PRPSAP2: variants seen among roughly 807,000 people sequenced by gnomAD.
PRPSAP2 encodes the protein phosphoribosyl pyrophosphate synthase-associated protein 2.
Under a neutral mutation model 40.6 loss-of-function variants are expected in PRPSAP2, and 24 were observed. That is an observed-to-expected ratio of 0.59 (90% CI 0.43 to 0.83). PRPSAP2 has a LOEUF of 0.83. Ranked by LOEUF, PRPSAP2 falls within the 40% of genes least tolerant of loss-of-function variation. The pLI is 0.00. For missense variants in PRPSAP2, 292 were observed against 465.6 expected (o/e 0.63, Z 3.43); for synonymous variants, 149 against 164.7 (o/e 0.90, Z 0.73).
intron 6 of PRPSAP2, among the ~76,000 whole-genome samples, chr17:18,880,736 C>A (rs1260704448): frequency 6.6e-6 from 1 of 151,652 alleles, no homozygotes; most frequent in Non-Finnish European, 1.5e-5. Context: ...CTGGACTTTG[C>A]CATGCCTGTT....
chr17:18,872,165 C>T (rs1024845266), intron 4 of PRPSAP2, among the ~76,000 whole-genome samples: 4 of 151,030 alleles, frequency 2.6e-5, no homozygotes, highest in East Asian at 2.0e-4. Context: ...TCCAGCCACT[C>T]GGGAGGCTGA....
chr17:18,863,156 G>A (rs1323680141), intron 1 of PRPSAP2, among the ~76,000 whole-genome samples: 1 of 151,644 alleles, frequency 6.6e-6, no homozygotes, highest in East Asian at 1.9e-4. Flanking sequence ...TTTTTGAGAC[G>A]AGGTCGCATT....
intron 8 of PRPSAP2, chr17:18,904,555 CAGGCGTGAGCCACTGT>C (rs1310008575): frequency 2.0e-5 from 3 of 152,168 alleles, no homozygotes; most frequent in Non-Finnish European, 2.9e-5. Context: ...GTTGGGATAA[CAGGCGTGAGCCACTGT>C]GTTTAGTGGT....
chr17:18,884,333 T>C (rs2038979513), intron 7 of PRPSAP2, among the ~76,000 whole-genome samples: 1 of 71,832 alleles, frequency 1.4e-5, no homozygotes, highest in Non-Finnish European at 3.0e-5. Flanking sequence ...TAATTTTACC[T>C]GAAAAATTTT....
intron 8 of PRPSAP2, 124 bp from the exon 9 acceptor site, chr17:18,910,979 C>G: frequency 1.7e-6 from 2 of 1,195,988 alleles, no homozygotes; most frequent in East Asian, 2.7e-5. Flanking sequence ...GTTTTATTCT[C>G]TCTTTTCTTT....
intron 7 of PRPSAP2, among the ~76,000 whole-genome samples, chr17:18,883,104 T>G (rs1597595562): frequency 6.6e-6 from 1 of 152,148 alleles, no homozygotes. Flanking sequence ...CATGGGCTCC[T>G]TCTCTGTCCT....
rs2037492075 is a variant in PRPSAP2, at chr17:18,867,167, A to G, written c.120-115A>G. On this transcript the variant is annotated intron_variant, in intron 3 of 11. Coordinates refer to ENST00000268835, the MANE Select transcript of PRPSAP2 (RefSeq NM_002767.4). ...TTTAATGTTGACTTTAAATTTTATA[A>G]GAAGAATAACTTTATTTTATTTTAC... The G allele has an allele frequency of 9.2e-6, 10 of 1,085,890 alleles. No individual in the cohort carries two copies. In the South Asian group the frequency reaches 1.3e-4, roughly 14 times the overall value. 67.3% of individuals were successfully genotyped at this position (1,085,890 alleles called of 1,614,324 possible). A position where few individuals can be genotyped will look rare whatever the true frequency, so the allele number is the denominator to read the frequency against.
At chr17:18,882,705 T>C (rs1235020935) in intron 7 of PRPSAP2, 22 bp downstream of exon 7, 1 of 1,409,456 alleles carries the variant, frequency 7.1e-7, no homozygotes. Context: ...CAAACTTTTT[T>C]ATTTTAACAT....
rs1461205427 is a variant in PRPSAP2 at position 18,863,853 on chromosome 17, T to A, written c.-128-1616T>A. ...GGCCTTTTTTTTTTTTTTTTTTTTT[T>A]AATTTTTTAGATGGAGTTTTGTTCT... On this transcript the variant is annotated intron_variant, in intron 1 of 11. Coordinates refer to ENST00000268835, the MANE Select transcript of PRPSAP2 (RefSeq NM_002767.4). Among the ~76,000 whole-genome samples the A allele has an allele frequency of 2.0e-3, 281 of 140,118 alleles. 2 individuals are homozygous for A. Among genetic ancestry groups the A allele is most frequent in the East Asian group, 9.9e-3 (47 of 4,734 alleles). The allele number at this position is 140,118 out of a possible 152,430, so 91.9% of individuals were successfully genotyped here. A position where few individuals can be genotyped will look rare whatever the true frequency, so the allele number is the denominator to read the frequency against.
intron 6 of PRPSAP2, among the ~76,000 whole-genome samples, 162 bp downstream of exon 6, chr17:18,878,032 A>C (rs2038426918): frequency 6.6e-6 from 1 of 152,106 alleles, no homozygotes; most frequent in African/African-American, 2.4e-5. Flanking sequence ...GCAGTCCACC[A>C]GAGCCTCCCA....
rs994694668 is a variant in PRPSAP2, at chr17:18,870,255, C to T, written c.173-2328C>T. Among the ~76,000 whole-genome samples the T allele has an allele frequency of 5.9e-5, 9 of 152,080 alleles. No homozygotes were observed. The East Asian group carries it at 7.7e-4, about 13-fold the overall frequency. On this transcript the variant is annotated intron_variant, in intron 4 of 11. Transcript: ENST00000268835. ...GAACCATTTGAAATTAAGTGCAGGC[C>T]GGGTGCGGTGGCTCACTCCTGTAAT...
chr17:18,930,737 A>G lies in PRPSAP2; in HGVS notation c.*39A>G. 3.2e-6 allele frequency: 5 copies of G among 1,561,070 alleles called. No homozygotes were observed. Among genetic ancestry groups the G allele is most frequent in the East Asian group, 2.3e-5 (1 of 44,326 alleles). ...AAAACTCCCGAGGGCCAAACTGGAA[A>G]CATAAGAGTGACTGCTCGGTGGGAT... is the stretch of plus-strand genomic sequence containing the variant. On this transcript the variant is annotated 3_prime_UTR_variant, in exon 12 of 12. Transcript: ENST00000268835.
chr17:18,859,463 T>G (rs2036839806), intron 1 of PRPSAP2: 1 of 152,226 alleles, frequency 6.6e-6, no homozygotes, highest in African/African-American at 2.4e-5. Flanking sequence ...GCTTAGAGGC[T>G]TTGCAGCCTT....
At chr17:18,874,653 G>C (rs2038139614) in intron 5 of PRPSAP2, among the ~76,000 whole-genome samples, 1 of 152,226 alleles carries the variant, frequency 6.6e-6, no homozygotes, top group Admixed American at 6.5e-5. Flanking sequence ...ACCTTCTGCT[G>C]TGACACCCAG....
At chr17:18,879,783 GTAAAGGCAAACGTA>G (rs1325159467) in intron 6 of PRPSAP2, among the ~76,000 whole-genome samples, 4 of 150,440 alleles carry the variant, frequency 2.7e-5, no homozygotes, top group Non-Finnish European at 5.9e-5. Context: ...TAGTTTTTCA[GTAAAGGCAAACGTA>G]AAACAAACAT....
rs1424674895 is a variant in PRPSAP2 at position 18,879,543 on chromosome 17, TC to T, written c.412+1675del. On this transcript the variant is annotated intron_variant, in intron 6 of 11. Coordinates refer to ENST00000268835, the MANE Select transcript of PRPSAP2 (RefSeq NM_002767.4). ...ATCTCGGCTCACCGCAACCTCCACT[TC>T]CTGGGTTTAAGCGATTCACCTGCCT... Among the ~76,000 whole-genome samples the T allele has an allele frequency of 5.3e-5, 8 of 152,126 alleles. No homozygotes were observed. The South Asian group carries it at 1.7e-3, about 32-fold the overall frequency.
intron 8 of PRPSAP2, among the ~76,000 whole-genome samples, chr17:18,892,741 A>ATTTTTTT (rs1252254393): frequency 2.9e-5 from 2 of 69,646 alleles, no homozygotes; most frequent in African/African-American, 5.0e-5. Context: ...TTATTTATTT[A>ATTTTTTT]TTTATTTTTT....
intron 9 of PRPSAP2, among the ~76,000 whole-genome samples, chr17:18,912,472 C>CT (rs1221605152): frequency 3.3e-5 from 5 of 152,168 alleles, no homozygotes; most frequent in Admixed American, 6.5e-5. Flanking sequence ...TCATGTTCAT[C>CT]TTACGTGCAA....
In PRPSAP2 at chr17:18,867,110, G is replaced by A. The variant is rs1384486269; in HGVS notation, c.120-172G>A. On this transcript the variant is annotated intron_variant, in intron 3 of 11. Coordinates refer to ENST00000268835, the MANE Select transcript of PRPSAP2 (RefSeq NM_002767.4). ...CTTCCTGGGGAGACATGGGGTTGGG[G>A]TGAGGGGCTAGGTAATGGATTGATG... is the stretch of plus-strand genomic sequence containing the variant. 3 of 662,948 alleles carry A rather than the reference G, an allele frequency of 4.5e-6. No individual in the cohort carries two copies. The African/African-American group carries it at 5.5e-5, about 12-fold the overall frequency. 41.1% of individuals were successfully genotyped at this position (662,948 alleles called of 1,614,324 possible). A position where few individuals can be genotyped will look rare whatever the true frequency, so the allele number is the denominator to read the frequency against.
Sources: gnomAD v4.1 joint callset for allele counts (sites outside exome capture counted in the v4.1 genomes callset) on GRCh38, gnomAD v4.1.1 for gene constraint, MANE v1.5 for transcripts, NCBI Gene and HGNC (gene_info 2026-07-23, HGNC 2026-07-21) for gene names.